Variants in ALDH3B2 observed in about 807,000 individuals in gnomAD.
ALDH3B2 encodes aldehyde dehydrogenase 3 family member B2.
A neutral mutation model predicts 36.7 loss-of-function variants in ALDH3B2; 45 were observed. The ratio of observed to expected loss-of-function variants is 1.23; its 90% confidence interval spans 0.97 to 1.57. The LOEUF (loss-of-function observed/expected upper bound fraction) is 1.57, where lower values mean the gene tolerates loss of function less well. ALDH3B2 is among the 40% of genes most tolerant of loss of function. The pLI is 0.00. For missense variants in ALDH3B2, 464 were observed against 513.3 expected (o/e 0.90, Z 0.93); for synonymous variants, 217 against 226.5 (o/e 0.96, Z 0.38).
At chr11:67,670,730 C>T (rs893307694) in intron 1 of ALDH3B2, among the ~76,000 whole-genome samples, 4 of 152,204 alleles carry the variant, frequency 2.6e-5, no homozygotes, top group African/African-American at 9.7e-5. Context: ...TTCCTGGCCA[C>T]ACCTGCAGAT....
chr11:67,679,894 G>T (rs187070209), intron 1 of ALDH3B2, among the ~76,000 whole-genome samples: 2 of 152,230 alleles, frequency 1.3e-5, no homozygotes, highest in Admixed American at 6.5e-5. Flanking sequence ...GGTACAAAAG[G>T]AGGGCTAGAA....
exon 10 of ALDH3B2, chr11:67,663,213 G>A (rs372686285): frequency 4.4e-5 from 71 of 1,600,068 alleles, no homozygotes; most frequent in Admixed American, 2.0e-4. Context: ...CGGGTGGGAC[G>A]CTCACAGGAG....
intron 1 of ALDH3B2, among the ~76,000 whole-genome samples, chr11:67,671,577 G>C (rs1856116447): frequency 7.2e-6 from 1 of 138,618 alleles, no homozygotes; most frequent in African/African-American, 2.7e-5. Context: ...ACGGAGTTTC[G>C]CTCTTGTTGC....
At chr11:67,673,112 A>T (rs1856177288) in intron 1 of ALDH3B2, among the ~76,000 whole-genome samples, 1 of 151,332 alleles carries the variant, frequency 6.6e-6, no homozygotes, top group African/African-American at 2.4e-5. Context: ...TTGTGTTTTT[A>T]GTAGAGACGG....
At chr11:67,667,438 C>T (rs118085153) in intron 2 of ALDH3B2, 35 bp downstream of exon 2, 6 of 356,212 alleles carry the variant, frequency 1.7e-5, no homozygotes, top group Admixed American at 8.9e-5. Flanking sequence ...GGACGCTGCT[C>T]CAGCCCCTGC....
intron 1 of ALDH3B2, among the ~76,000 whole-genome samples, chr11:67,669,522 CTGTG>C (rs1310928148): frequency 7.6e-6 from 1 of 131,074 alleles, no homozygotes; most frequent in African/African-American, 3.0e-5. Flanking sequence ...GTATGGGTGT[CTGTG>C]TATGTATCAG....
intron 1 of ALDH3B2, among the ~76,000 whole-genome samples, chr11:67,673,534 A>T (rs891392465): frequency 6.6e-6 from 1 of 152,162 alleles, no homozygotes; most frequent in Non-Finnish European, 1.5e-5. Flanking sequence ...ACGTGTGCAA[A>T]AGCCCTGTGG....
At chr11:67,664,226 C>A in intron 8 of ALDH3B2, 170 bp downstream of exon 8, 1 of 1,105,418 alleles carries the variant, frequency 9.0e-7, no homozygotes. Context: ...ACCCTGTCCT[C>A]TCTGCCAGGC....
rs764285542 is a variant in ALDH3B2 at position 67,663,134 on chromosome 11, A to G, written c.*81T>C. The G allele has an allele frequency of 2.7e-6, 4 of 1,474,088 alleles. No individual in the cohort carries two copies. The South Asian group carries it at 4.0e-5, about 15-fold the overall frequency. The allele number at this position is 1,474,088 out of a possible 1,614,324, so 91.3% of individuals were successfully genotyped here. A position where few individuals can be genotyped will look rare whatever the true frequency, so the allele number is the denominator to read the frequency against. On this transcript the variant is annotated 3_prime_UTR_variant, in exon 10 of 10. Coordinates refer to ENST00000349015, the Ensembl canonical transcript of ALDH3B2. ...GCTGGGGGAACCTGCGGTCTGGAGG[A>G]ACAATGTGAGTTGGGAGCATAAGCC...
chr11:67,664,431 G>T (rs1591141021), exon 8 of ALDH3B2: 1 of 1,614,022 alleles, frequency 6.2e-7, no homozygotes, highest in Non-Finnish European at 8.5e-7. Flanking sequence ...AGGGCCAGGG[G>T]CTTCTCCTGC....
chr11:67,666,419 G>A lies in ALDH3B2; in HGVS notation c.152-18C>T. 1.2e-6 allele frequency: 2 copies of A among 1,608,256 alleles called. No homozygotes were observed. Among genetic ancestry groups the A allele is most frequent in the East Asian group, 2.2e-5 (1 of 44,610 alleles). ...GCAACTCCCTGCAGGGGCAGATGGG[G>A]ACGTCGTTGGGGGAGCCCAGGGTCC... On this transcript the variant is annotated intron_variant, in intron 4 of 9. Transcript: ENST00000349015.
intron 7 of ALDH3B2, among the ~76,000 whole-genome samples, chr11:67,664,808 C>T (rs1344267990): frequency 6.6e-6 from 1 of 152,228 alleles, no homozygotes; most frequent in Non-Finnish European, 1.5e-5. Flanking sequence ...CGACCTTGGT[C>T]TCACAGTCAG....
At chr11:67,669,353 GGTGTCTGT>G (rs1428472155) in intron 1 of ALDH3B2, among the ~76,000 whole-genome samples, 3 of 147,506 alleles carry the variant, frequency 2.0e-5, no homozygotes, top group African/African-American at 7.6e-5. Context: ...TGTGTCTATG[GGTGTCTGT>G]GTGTCTGTGT....
intron 1 of ALDH3B2, among the ~76,000 whole-genome samples, chr11:67,673,151 C>T (rs1436164787): frequency 6.6e-6 from 1 of 151,408 alleles, no homozygotes; most frequent in Non-Finnish European, 1.5e-5. Context: ...AGGATGGTCT[C>T]GATCTCCTGA....
chr11:67,667,533 G>A (rs973786517), exon 2 of ALDH3B2: 10 of 385,986 alleles, frequency 2.6e-5, no homozygotes, highest in African/African-American at 1.9e-4. Context: ...GAAGGAAGTG[G>A]CCCAGGCCCT....
chr11:67,666,864 G>GTGCCC (rs1855934348), intron 3 of ALDH3B2, 42 bp downstream of exon 3: 2 of 1,613,846 alleles, frequency 1.2e-6, no homozygotes, highest in African/African-American at 1.3e-5. Context: ...GAGCTACCCG[G>GTGCCC]TGCCCTGCCC....
At chr11:67,680,370 T>C (rs533344866) in intron 1 of ALDH3B2, among the ~76,000 whole-genome samples, 2 of 152,192 alleles carry the variant, frequency 1.3e-5, no homozygotes, top group Admixed American at 6.5e-5. Flanking sequence ...GGTGCCCTGA[T>C]GGAATAGATT....
upstream of ALDH3B2, among the ~76,000 whole-genome samples, chr11:67,678,223 C>T (rs1226906956): frequency 6.6e-6 from 1 of 152,168 alleles, no homozygotes; most frequent in Non-Finnish European, 1.5e-5. Context: ...TCAAACTATA[C>T]TCTAAGGCCA....
upstream of ALDH3B2, among the ~76,000 whole-genome samples, chr11:67,679,295 C>T (rs1253468046): frequency 1.3e-5 from 2 of 151,942 alleles, no homozygotes; most frequent in African/African-American, 4.8e-5. Context: ...TGATGAAACC[C>T]CGTCTCTACT....
Sources: gnomAD v4.1 joint callset for allele counts (sites outside exome capture counted in the v4.1 genomes callset) on GRCh38, gnomAD v4.1.1 for gene constraint, MANE v1.5 for transcripts, NCBI Gene and HGNC (gene_info 2026-07-23, HGNC 2026-07-21) for gene names.